RADX: variants seen among roughly 807,000 people sequenced by gnomAD.
RADX encodes the protein RPA-related protein RADX.
A neutral mutation model predicts 61.6 loss-of-function variants in RADX; 36 were observed. The observed-to-expected ratio is 0.58, with a 90% CI of 0.45 to 0.77. RADX has a LOEUF of 0.77. Among genes scored for constraint, RADX ranks in the 30% least tolerant of loss-of-function variants. RADX has a pLI of 0.00. For missense variants in RADX, 497 were observed against 651.1 expected, an observed-to-expected ratio of 0.76 and a Z score of 2.58; for synonymous variants, 272 against 237.9, an observed-to-expected ratio of 1.14 and a Z score of -1.32.
Position 106,669,346 on chromosome X carries a change from T to A in RADX, c.2437+16T>A. The A allele has an allele frequency of 1.8e-6, 2 of 1,129,873 alleles. No homozygotes were observed. The allele number at this position is 1,129,873 out of a possible 1,213,427, so 93.1% of individuals were successfully genotyped here. A position where few individuals can be genotyped will look rare whatever the true frequency, so the allele number is the denominator to read the frequency against. On this transcript the variant is annotated intron_variant, in intron 13 of 13. Coordinates refer to ENST00000372548, the MANE Select transcript of RADX (RefSeq NM_018015.6). The stretch of plus-strand genomic sequence containing the variant: ...GCGGTTGCAGGTAAAACAATCTCAG[T>A]GTTCTTTTCACTCAGAAAAAAAAAA...
intron 11 of RADX, among the ~76,000 whole-genome samples, chrX:106,655,791 A>G (rs1420237399): frequency 8.9e-6 from 1 of 111,989 alleles, no homozygotes; most frequent in Non-Finnish European, 1.9e-5. Flanking sequence ...GAATACTGCC[A>G]CAGTAAACAT....
At chrX:106,675,296 A>T (rs148845917) in intron 13 of RADX, among the ~76,000 whole-genome samples, 2,013 of 112,207 alleles carry the variant, frequency 0.018, 36 homozygotes, top group African/African-American at 0.061. Context: ...TACAATATCT[A>T]TAGGACTATG....
intron 1 of RADX, among the ~76,000 whole-genome samples, chrX:106,622,180 C>CCGA (rs1569422864): frequency 6.3e-5 from 7 of 111,085 alleles, no homozygotes; most frequent in African/African-American, 2.3e-4. Context: ...CACAAGCAAG[C>CCGA]TGATGGTCTT....
chrX:106,615,627 T>C (rs1439205284), intron 1 of RADX, among the ~76,000 whole-genome samples: 1 of 111,879 alleles, frequency 8.9e-6, no homozygotes, highest in East Asian at 2.8e-4. Context: ...ATGATCTTCA[T>C]AGAATCATAG....
intron 6 of RADX, 91 bp downstream of exon 6, chrX:106,633,343 G>A (rs113215232): frequency 1.3e-6 from 1 of 774,018 alleles, no homozygotes. Context: ...GAAGTAGGGT[G>A]ACATTGAGTT....
Position 106,632,686 on chromosome X carries a change from G to A in RADX, c.1041G>A (p.Val347=). ...TNIIIIPEKQ[V]KPEWRLPKLN... ...TAATTATCATTCCAGAAAAGCAGGT[G>A]AAACCAGAATGGAGACTGCCAAAGC... Residue 347 remains valine, a synonymous_variant, in exon 4 of 14, where the codon GTG becomes GTA. Transcript: ENST00000372548. 1 of 1,201,391 alleles carries A rather than the reference G, an allele frequency of 8.3e-7. No individual in the cohort carries two copies. Among genetic ancestry groups the A allele is most frequent in the Non-Finnish European group, 1.1e-6 (1 of 887,946 alleles).
At chrX:106,649,026 A>G (rs978216069) in intron 11 of RADX, among the ~76,000 whole-genome samples, 1 of 111,450 alleles carries the variant, frequency 9.0e-6, no homozygotes, top group Non-Finnish European at 1.9e-5. Flanking sequence ...TGATTGTTAC[A>G]TGATATAAAA....
intron 2 of RADX, among the ~76,000 whole-genome samples, chrX:106,623,457 T>C (rs1438241261): frequency 8.9e-6 from 1 of 111,972 alleles, no homozygotes; most frequent in Non-Finnish European, 1.9e-5. Flanking sequence ...ATTAAACTTT[T>C]ATTATGAAAG....
At chrX:106,671,438 T>A (rs1928357874) in intron 13 of RADX, among the ~76,000 whole-genome samples, 1 of 112,143 alleles carries the variant, frequency 8.9e-6, no homozygotes, top group Non-Finnish European at 1.9e-5. Context: ...GTGTTGTGTG[T>A]GTGTCAATAA....
intron 7 of RADX, 83 bp from the exon 8 acceptor site, chrX:106,637,676 GT>G (rs1927391847): frequency 2.3e-6 from 2 of 858,677 alleles, no homozygotes; most frequent in Non-Finnish European, 3.2e-6. Context: ...ATAGTAAACT[GT>G]TTTTACACAA....
At chrX:106,618,740 G>T (rs1926871492) in intron 1 of RADX, among the ~76,000 whole-genome samples, 1 of 110,816 alleles carries the variant, frequency 9.0e-6, no homozygotes, top group African/African-American at 3.3e-5. Context: ...GGTTGAGGCT[G>T]CACTGAGCCT....
chrX:106,668,826 G>C (rs1928294094), intron 12 of RADX, among the ~76,000 whole-genome samples: 1 of 112,008 alleles, frequency 8.9e-6, no homozygotes, highest in Non-Finnish European at 1.9e-5. Context: ...CCCCGGAATA[G>C]CACCTGTCCT....
At chrX:106,665,717 A>G (rs1223210343) in intron 12 of RADX, among the ~76,000 whole-genome samples, 1 of 112,132 alleles carries the variant, frequency 8.9e-6, no homozygotes, top group Non-Finnish European at 1.9e-5. Context: ...AATATCTTGC[A>G]AGTCTCTAGA....
chrX:106,648,616 A>C (rs1233812040), intron 11 of RADX, among the ~76,000 whole-genome samples: 1 of 107,229 alleles, frequency 9.3e-6, no homozygotes, highest in Non-Finnish European at 1.9e-5. Flanking sequence ...CATTAGTAAT[A>C]GTATATCTCT....
chrX:106,616,806 A>C (rs1395821531), intron 1 of RADX, among the ~76,000 whole-genome samples: 3 of 110,345 alleles, frequency 2.7e-5, no homozygotes, highest in African/African-American at 9.9e-5. Context: ...GTGATAACTT[A>C]ATGTGCATCA....
chrX:106,644,266 C>A (rs1927602325), intron 10 of RADX, among the ~76,000 whole-genome samples: 1 of 110,954 alleles, frequency 9.0e-6, no homozygotes, highest in African/African-American at 3.3e-5. Flanking sequence ...CCCTTTATTT[C>A]TTTCTCTTGT....
At chrX:106,615,425 T>G (rs1360893388) in intron 1 of RADX, among the ~76,000 whole-genome samples, 1 of 111,327 alleles carries the variant, frequency 9.0e-6, no homozygotes, top group Non-Finnish European at 1.9e-5. Flanking sequence ...ACCCCCCTCC[T>G]CCACCATTTT....
At chrX:106,631,842 AAAAAG>A (rs1461731254) in intron 3 of RADX, among the ~76,000 whole-genome samples, 3 of 110,602 alleles carry the variant, frequency 2.7e-5, no homozygotes, top group Non-Finnish European at 5.7e-5. Flanking sequence ...GAAAGAAAGA[AAAAAG>A]AAAGAAAAAG....
intron 6 of RADX, among the ~76,000 whole-genome samples, chrX:106,634,757 G>A (rs1260311221): frequency 1.8e-5 from 2 of 111,736 alleles, no homozygotes; most frequent in Non-Finnish European, 3.8e-5. Context: ...AATTGGCAGT[G>A]ATGACTTCTG....
Sources: gnomAD v4.1 joint callset for allele counts (sites outside exome capture counted in the v4.1 genomes callset) on GRCh38, gnomAD v4.1.1 for gene constraint, MANE v1.5 for transcripts, NCBI Gene and HGNC (gene_info 2026-07-23, HGNC 2026-07-21) for gene names.